NALF1: variants seen among roughly 807,000 people sequenced by gnomAD.
NALF1 encodes NALCN channel auxiliary factor 1.
Under a neutral mutation model 48.4 loss-of-function variants are expected in NALF1, and 3 were observed. That is an observed-to-expected ratio of 0.06 (90% CI 0.03 to 0.16). The LOEUF (loss-of-function observed/expected upper bound fraction) is 0.16, where lower values mean the gene tolerates loss of function less well. Among genes scored for constraint, NALF1 ranks in the 10% least tolerant of loss-of-function variants. The pLI, the probability that NALF1 is intolerant of heterozygous loss-of-function variation, is 1.00. For missense variants in NALF1, 526 were observed against 571.5 expected (o/e 0.92, Z 0.81); for synonymous variants, 262 against 245.7 (o/e 1.07, Z -0.62).
intron 1 of NALF1, among the ~76,000 whole-genome samples, chr13:107,771,881 C>T (rs139373295): frequency 1.1e-3 from 170 of 152,178 alleles, no homozygotes; most frequent in African/African-American, 3.8e-3. Flanking sequence ...GGACTACAGG[C>T]ACATGCCACC....
At chr13:107,617,374 A>G (rs1455778627) in intron 1 of NALF1, among the ~76,000 whole-genome samples, 1 of 152,182 alleles carries the variant, frequency 6.6e-6, no homozygotes, top group South Asian at 2.1e-4. Flanking sequence ...GTAACAGTCA[A>G]TCTACCAAAG....
At chr13:107,569,235 C>T (rs1002365880) in intron 1 of NALF1, among the ~76,000 whole-genome samples, 5 of 151,662 alleles carry the variant, frequency 3.3e-5, no homozygotes, top group Non-Finnish European at 2.9e-5. Flanking sequence ...TTTGGGAGGC[C>T]GAGGCGGGTG....
intron 1 of NALF1, among the ~76,000 whole-genome samples, chr13:107,300,206 A>G (rs1881811733): frequency 6.6e-6 from 1 of 152,216 alleles, no homozygotes; most frequent in East Asian, 1.9e-4. Flanking sequence ...CTATGGTGCT[A>G]AAAAATTAAA....
intron 1 of NALF1, among the ~76,000 whole-genome samples, chr13:107,433,800 G>T (rs1379749587): frequency 6.6e-6 from 1 of 152,078 alleles, no homozygotes; most frequent in East Asian, 1.9e-4. Flanking sequence ...AGCTTACAAG[G>T]TTAAATGAAC....
chr13:107,291,050 C>A (rs1566476175), intron 1 of NALF1, among the ~76,000 whole-genome samples: 1 of 151,382 alleles, frequency 6.6e-6, no homozygotes, highest in Non-Finnish European at 1.5e-5. Flanking sequence ...TCTTAATTAA[C>A]AACATTGTAC....
chr13:107,749,986 A>T (rs1250177488), intron 1 of NALF1, among the ~76,000 whole-genome samples: 2 of 151,952 alleles, frequency 1.3e-5, no homozygotes, highest in Admixed American at 6.6e-5. Context: ...TGCCCGGCTA[A>T]TTTTTGTATT....
At chr13:107,503,972 G>C (rs1798640454) in intron 1 of NALF1, among the ~76,000 whole-genome samples, 1 of 151,304 alleles carries the variant, frequency 6.6e-6, no homozygotes, top group Non-Finnish European at 1.5e-5. Context: ...CAAGAATCAA[G>C]GAAGAGCACG....
At chr13:107,433,934 G>T (rs1037977557) in intron 1 of NALF1, among the ~76,000 whole-genome samples, 2 of 152,096 alleles carry the variant, frequency 1.3e-5, no homozygotes, top group Admixed American at 1.3e-4. Context: ...GAGGACCCAG[G>T]ATCTCACAGA....
At chr13:107,523,810 G>A (rs1265147315) in intron 1 of NALF1, among the ~76,000 whole-genome samples, 3 of 151,938 alleles carry the variant, frequency 2.0e-5, no homozygotes, top group African/African-American at 7.2e-5. Flanking sequence ...TTTCTTTTCT[G>A]ATTATGAAAA....
chr13:107,710,731 T>C (rs542840045), intron 1 of NALF1, among the ~76,000 whole-genome samples: 1 of 150,986 alleles, frequency 6.6e-6, no homozygotes, highest in South Asian at 2.1e-4. Flanking sequence ...TTACAATTTT[T>C]ATATATATAC....
intron 1 of NALF1, among the ~76,000 whole-genome samples, chr13:107,680,961 G>GTGTA (rs1881286004): frequency 2.5e-5 from 1 of 39,388 alleles, no homozygotes; most frequent in African/African-American, 6.7e-5. Context: ...GTGTGTGTGT[G>GTGTA]TGTGTGTGTA....
chr13:107,507,341 T>C (rs985509790), intron 1 of NALF1, among the ~76,000 whole-genome samples: 1 of 152,030 alleles, frequency 6.6e-6, no homozygotes, highest in African/African-American at 2.4e-5. Flanking sequence ...CAAGTTTTCT[T>C]TCCTTCATTT....
rs115545435 is a variant in NALF1 at position 107,587,276 on chromosome 13, C to A, written c.915+278406G>T. On this transcript the variant is annotated intron_variant, in intron 1 of 2. Transcript: ENST00000375915. Reference sequence around the variant, plus strand: ...GATTGAGGTGCTTTCCCCAACCACACGTGGGTTCCTTAAAGACAAAGACCT... The same window carrying A: ...GATTGAGGTGCTTTCCCCAACCACAAGTGGGTTCCTTAAAGACAAAGACCT... Among the ~76,000 whole-genome samples, 1,125 of 152,168 alleles carry A rather than the reference C, an allele frequency of 7.4e-3. 4 individuals carry two copies. Among genetic ancestry groups the A allele is most frequent in the Middle Eastern group, 0.02 (6 of 294 alleles).
chr13:107,450,125 C>A (rs1884715647), intron 1 of NALF1, among the ~76,000 whole-genome samples: 1 of 152,100 alleles, frequency 6.6e-6, no homozygotes, highest in African/African-American at 2.4e-5. Context: ...GTGATTCCTT[C>A]CAGTTAGTGC....
At chr13:107,317,962 G>A (rs1882182151) in intron 1 of NALF1, among the ~76,000 whole-genome samples, 1 of 151,930 alleles carries the variant, frequency 6.6e-6, no homozygotes. Flanking sequence ...TGCTTAGAAA[G>A]CATTCAAAAT....
chr13:107,235,721 C>T (rs1490724626), intron 1 of NALF1, among the ~76,000 whole-genome samples: 1 of 152,164 alleles, frequency 6.6e-6, no homozygotes, highest in Non-Finnish European at 1.5e-5. Context: ...ATACAGAGGG[C>T]TGTCTGTCAT....
chr13:107,621,996 G>T (rs1594166184), intron 1 of NALF1, among the ~76,000 whole-genome samples: 7 of 150,034 alleles, frequency 4.7e-5, no homozygotes, highest in Admixed American at 4.0e-4. Context: ...CCACAAAGCA[G>T]TTTTTTTTTT....
chr13:107,574,291 T>C (rs1307503876), intron 1 of NALF1, among the ~76,000 whole-genome samples: 2 of 152,194 alleles, frequency 1.3e-5, no homozygotes. Context: ...CCCATCATTC[T>C]CTGTTACCCT....
chr13:107,669,775 C>T lies in NALF1; in HGVS notation c.915+195907G>A, dbSNP rs114917629. Among the ~76,000 whole-genome samples, 736 of 152,126 alleles carry T rather than the reference C, an allele frequency of 4.8e-3. 7 individuals carry two copies. Among genetic ancestry groups the T allele is most frequent in the African/African-American group, 0.017 (696 of 41,516 alleles). On this transcript the variant is annotated intron_variant, in intron 1 of 2. Coordinates refer to ENST00000375915, the MANE Select transcript of NALF1 (RefSeq NM_001080396.3). ...CTCTTTTCTGAAGAAAAGCTAAGTG[C>T]GAGGGCTTTGGAAGACACTGCAAGC...
Sources: allele counts gnomAD v4.1 joint callset (sites outside exome capture counted in the v4.1 genomes callset), GRCh38; gene constraint gnomAD v4.1.1; transcripts MANE v1.5; gene names NCBI Gene and HGNC (gene_info 2026-07-23, HGNC 2026-07-21).